Variants in HJV observed in about 807,000 individuals in gnomAD.
HJV encodes hemojuvelin BMP co-receptor, also known as hemojuvelin.
Under a neutral mutation model 22.7 loss-of-function variants are expected in HJV, and 18 were observed. That is an observed-to-expected ratio of 0.79 (90% CI 0.55 to 1.18). The LOEUF (loss-of-function observed/expected upper bound fraction) is 1.18, where lower values mean the gene tolerates loss of function less well. Among genes scored for constraint, HJV ranks in the 50% most tolerant of loss-of-function variants. The pLI is 0.00. For missense variants in HJV, 572 were observed against 553.0 expected (o/e 1.03, Z -0.34); for synonymous variants, 229 against 222.7 (o/e 1.03, Z -0.25).
rs1553769369 is a variant in HJV at position 146,018,136 on chromosome 1, C to T, written c.1222G>A (p.Ala408Thr). 6.8e-6 allele frequency: 11 copies of T among 1,614,130 alleles called. No individual in the cohort carries two copies. Among genetic ancestry groups the T allele is most frequent in the Non-Finnish European group, 9.3e-6 (11 of 1,180,016 alleles). Residue 408 changes from alanine (A) to threonine (T), a missense_variant, in exon 4 of 4, where the codon GCA (alanine) becomes ACA (threonine). By Grantham distance (58) the Ala-to-Thr change is moderately conservative. Transcript: ENST00000336751. ...PSDAGVPLSSATLLAPLLSGL... is the reference protein window; with the variant it reads ...PSDAGVPLSSTTLLAPLLSGL... ...GAAAGGAGTGGAGCTAAGAGGGTTG[C>T]TGAGGAAAGAGGAACCCCAGCATCT... is the stretch of plus-strand genomic sequence containing the variant.
chr1:146,018,137 T>C lies in HJV; in HGVS notation c.1221A>G (p.Ser407=). Residue 407 remains serine, a synonymous_variant, in exon 4 of 4, where the codon TCA becomes TCG. Coordinates refer to ENST00000336751, the MANE Select transcript of HJV (RefSeq NM_213653.4). ...FPSDAGVPLS[S]ATLLAPLLSG... is the part of the protein sequence containing the mutation. ...AAAGGAGTGGAGCTAAGAGGGTTGC[T>C]GAGGAAAGAGGAACCCCAGCATCTG... The C allele has an allele frequency of 3.1e-6, 5 of 1,614,114 alleles. 1 individual carries two copies. In the South Asian group the frequency reaches 5.5e-5, roughly 18 times the overall value.
In HJV at chr1:146,019,813, C is replaced by A. The variant is rs1383612113; in HGVS notation, c.98-79G>T. 4 of 1,610,592 alleles carry A rather than the reference C, an allele frequency of 2.5e-6. No homozygotes were observed. The Admixed American group carries it at 6.7e-5, about 27-fold the overall frequency. On this transcript the variant is annotated intron_variant, in intron 2 of 3. Coordinates refer to ENST00000336751, the MANE Select transcript of HJV (RefSeq NM_213653.4). ...GGAGTGTAGTTTGCTCATAACTCTT[C>A]CAAATCTCATCAGGGGTTTCCAGCC...
chr1:146,018,799 G>T, intron 3 of HJV, 99 bp from the exon 4 acceptor site: 1 of 1,256,870 alleles, frequency 8.0e-7, no homozygotes, highest in Non-Finnish European at 1.2e-6. Context: ...AAGTAGAGAT[G>T]CAGGACTACT....
At position 146,018,117 on chromosome 1, in the gene HJV, A is replaced by G; in HGVS notation, c.1241T>C (p.Leu414Pro). 1 of 1,614,146 alleles carries G rather than the reference A, an allele frequency of 6.2e-7. No homozygotes were observed. The highest frequency in any genetic ancestry group is 8.5e-7 in the Non-Finnish European group (1 of 1,180,026). Residue 414 changes from leucine (L) to proline (P), a missense_variant, in exon 4 of 4, where the codon CTC (leucine) becomes CCC (proline). Transcript: ENST00000336751. ...PLSSATLLAP[L>P]LSGLFVLWLC... ...CCACAGAACAAAGAGCCCAGAAAGG[A>G]GTGGAGCTAAGAGGGTTGCTGAGGA... is the stretch of plus-strand genomic sequence containing the variant.
At chr1:146,018,759 A>G in intron 3 of HJV, 59 bp from the exon 4 acceptor site, 2 of 1,557,900 alleles carry the variant, frequency 1.3e-6, no homozygotes. Context: ...CCCCCCAATC[A>G]GACCTCATAC....
rs1553769646 is a variant in HJV, at chr1:146,019,306, G to A, written c.526C>T (p.Arg176Cys). The A allele has an allele frequency of 2.5e-6, 4 of 1,613,882 alleles. No individual in the cohort carries two copies. The highest frequency in any genetic ancestry group is 3.4e-6 in the Non-Finnish European group (4 of 1,180,032). The stretch of plus-strand genomic sequence containing the variant: ...GTGTGAAAGTGATGGTGGAAGCTGC[G>A]CACATGGGGGTCCCCGAAGGAAGCG... The part of the protein sequence containing the change: ...HCASFGDPHV[R>C]SFHHHFHTCR... Residue 176 changes from arginine (R) to cysteine (C), a missense_variant, in exon 3 of 4, where the codon CGC (arginine) becomes TGC (cysteine). Arg to Cys is a radical substitution (Grantham distance 180). Transcript: ENST00000336751.
intron 3 of HJV, 31 bp downstream of exon 3, chr1:146,019,144 G>A (rs1470463464): frequency 1.9e-6 from 3 of 1,543,608 alleles, no homozygotes; most frequent in Non-Finnish European, 2.7e-6. Context: ...AATCTCATGA[G>A]GTGGATCGGA....
rs782803011 is a variant in HJV at position 146,018,205 on chromosome 1, G to A, written c.1153C>T (p.Arg385Ter). ...TTCTCTAAGTCTGGCAGGAAGGCTC[G>A]GGCATCCTCCAGTGCTGCCTGAGCT... ...VAAQAALEDA[R>*]AFLPDLEKLH... The change falls in exon 4 of 4, where the codon CGA (arginine) becomes TGA (stop). Residue 385 changes from arginine (R) to a stop codon, truncating the protein, a stop_gained. Transcript: ENST00000336751. LOFTEE classifies it high-confidence loss of function. 6.8e-6 allele frequency: 11 copies of A among 1,614,006 alleles called. No individual in the cohort carries two copies. The highest frequency in any genetic ancestry group is 5.0e-5 in the Admixed American group (3 of 59,986).
chr1:146,018,537 A>T lies in HJV; in HGVS notation c.821T>A (p.Val274Glu). Reference sequence around the variant, plus strand: ...GCCAATGTAGGCAGCTTGGATCTCCACATGGTTCCCAGGGTTAGCAGTTTG... The same window carrying T: ...GCCAATGTAGGCAGCTTGGATCTCCTCATGGTTCCCAGGGTTAGCAGTTTG... ...SIQTANPGNH[V>E]EIQAAYIGTT... The change falls in exon 4 of 4, where the codon GTG becomes GAG. Residue 274 changes from valine (V) to glutamate (E), a missense_variant. Transcript: ENST00000336751. The T allele has an allele frequency of 6.2e-7, 1 of 1,614,192 alleles. No individual in the cohort carries two copies. Among genetic ancestry groups the T allele is most frequent in the Non-Finnish European group, 8.5e-7 (1 of 1,180,032 alleles).
chr1:146,018,701 C>T lies in HJV; in HGVS notation c.658-1G>A. 6.2e-7 allele frequency: 1 copy of T among 1,614,088 alleles called. No individual in the cohort carries two copies. ...GCATGTTCTTAAATATGATGGTGAG[C>T]TGTGAGGACAAGAGGGAAAACAGTT... On this transcript the variant is annotated splice_acceptor_variant, in intron 3 of 3. Coordinates refer to ENST00000336751, the MANE Select transcript of HJV (RefSeq NM_213653.4). LOFTEE classifies it high-confidence loss of function.
rs782378832 is a variant in HJV at position 146,019,408 on chromosome 1, G to C, written c.424C>G (p.Leu142Val). 5 of 1,612,862 alleles carry C rather than the reference G, an allele frequency of 3.1e-6. No individual in the cohort carries two copies. The African/African-American group carries it at 6.7e-5, about 22-fold the overall frequency. ...GPALPGAGSG[L>V]PAPDPCDYEG... is the part of the protein sequence containing the mutation. Reference sequence around the variant, plus strand: ...TAGTCACAAGGGTCCGGGGCAGGGAGGCCGGAGCCCGCGCCTGGAAGGGCG... The same window carrying C: ...TAGTCACAAGGGTCCGGGGCAGGGACGCCGGAGCCCGCGCCTGGAAGGGCG... Residue 142 changes from leucine (L) to valine (V), a missense_variant, in exon 3 of 4, where the codon CTC becomes GTC. Transcript: ENST00000336751.
In HJV at chr1:146,018,408, C is replaced by G. The variant is rs1553769457; in HGVS notation, c.950G>C (p.Cys317Ser). The change falls in exon 4 of 4, where the codon TGT becomes TCT. Residue 317 changes from cysteine to serine, a missense_variant. Physicochemically the swap from Cys to Ser is moderately radical, Grantham distance 112 (BLOSUM62 -1). Coordinates refer to ENST00000336751, the MANE Select transcript of HJV (RefSeq NM_213653.4). ...CTGACTTGGAGGGCACCCCCCAACA[C>G]AGAGCTGCAGGTCCTGTTCAGCTGA... ...AFSAEQDLQL[C>S]VGGCPPSQRL... is the part of the protein sequence containing the mutation. The G allele has an allele frequency of 2.5e-6, 4 of 1,614,054 alleles. No individual in the cohort carries two copies. The highest frequency in any genetic ancestry group is 3.3e-5 in the Admixed American group (2 of 60,006).
In HJV at chr1:146,018,653, C is replaced by T. The variant is rs781815793; in HGVS notation, c.705G>A (p.Val235=). Residue 235 remains valine, a synonymous_variant, in exon 4 of 4, where the codon GTG becomes GTA. Coordinates refer to ENST00000336751, the MANE Select transcript of HJV (RefSeq NM_213653.4). ...GAAGATTATCCACCTCAGCCTGATA[C>T]ACCTTCTGATCAATGCATTCCTGCA... ...KNMQECIDQK[V]YQAEVDNLPV... is the part of the protein sequence containing the mutation. The T allele has an allele frequency of 6.2e-6, 10 of 1,614,126 alleles. No individual in the cohort carries two copies. The Admixed American group carries it at 1.0e-4, about 16-fold the overall frequency.
At position 146,018,336 on chromosome 1, in the gene HJV, T is replaced by A. The variant is rs1652462514; in HGVS notation, c.1022A>T (p.Asp341Val). ...TTCCTTGCACAGCCGTCTGGCAGTA[T>A]CAATGGTTATAGCTCCCCGACGATT... ...ERNRRGAITI[D>V]TARRLCKEGL... The change falls in exon 4 of 4, where the codon GAT becomes GTT. Residue 341 changes from aspartate (D) to valine (V), a missense_variant. Physicochemically the swap from Asp to Val is radical, Grantham distance 152. Transcript: ENST00000336751. 6.2e-7 allele frequency: 1 copy of A among 1,614,076 alleles called. No homozygotes were observed. The highest frequency in any genetic ancestry group is 1.7e-5 in the Admixed American group (1 of 60,006).
rs781977192 is a variant in HJV at position 146,019,507 on chromosome 1, C to T, written c.325G>A (p.Gly109Ser). Residue 109 changes from glycine (G) to serine (S), a missense_variant, in exon 3 of 4, where the codon GGC (glycine) becomes AGC (serine). Transcript: ENST00000336751. ...GDLAFHSAVH[G>S]IEDLMIQHNC... ...TGCTGGATCATCAGGTCTTCGATGC[C>T]ATGTACCGCCGAATGGAAGGCGAGG... 7 of 1,612,938 alleles carry T rather than the reference C, an allele frequency of 4.3e-6. No individual in the cohort carries two copies. The highest frequency in any genetic ancestry group is 1.1e-5 in the South Asian group (1 of 91,084).
rs782429427 is a variant in HJV, at chr1:146,018,101, A to C, written c.1257T>G (p.Phe419Leu). The C allele has an allele frequency of 1.4e-5, 23 of 1,614,002 alleles. No individual in the cohort carries two copies. In the East Asian group the frequency reaches 4.5e-4, roughly 31 times the overall value. ...TLLAPLLSGLFVLWLCIQ is the reference protein window; with the variant it reads ...TLLAPLLSGLLVLWLCIQ Reference sequence around the variant, plus strand: ...CTTACTGAATGCAAAGCCACAGAACAAAGAGCCCAGAAAGGAGTGGAGCTA... The same window carrying C: ...CTTACTGAATGCAAAGCCACAGAACCAAGAGCCCAGAAAGGAGTGGAGCTA... The change falls in exon 4 of 4, where the codon TTT becomes TTG. Residue 419 changes from phenylalanine to leucine, a missense_variant. Coordinates refer to ENST00000336751, the MANE Select transcript of HJV (RefSeq NM_213653.4).
rs1433104741 is a variant in HJV, at chr1:146,018,591, TCA to T, written c.765_766del (p.Asp256ProfsTer13). ...CGACAAACTGGATCCCCCAGGTCGG[TCA>T]CCTCCATTGATAGAACCATCTTCAA... is the stretch of plus-strand genomic sequence containing the variant. On this transcript the variant is annotated frameshift_variant, in exon 4 of 4. Transcript: ENST00000336751. LOFTEE classifies it high-confidence loss of function. 5 of 1,614,184 alleles carry T rather than the reference TCA, an allele frequency of 3.1e-6. No homozygotes were observed. The highest frequency in any genetic ancestry group is 3.4e-6 in the Non-Finnish European group (4 of 1,180,022).
In HJV at chr1:146,019,350, G is replaced by A. The variant is rs1652555024; in HGVS notation, c.482C>T (p.Pro161Leu). 6.2e-7 allele frequency: 1 copy of A among 1,613,844 alleles called. No individual in the cohort carries two copies. Among genetic ancestry groups the A allele is most frequent in the Middle Eastern group, 1.6e-4 (1 of 6,062 alleles). The change falls in exon 3 of 4, where the codon CCC becomes CTC. Residue 161 changes from proline (P) to leucine (L), a missense_variant. By Grantham distance (98) the Pro-to-Leu change is moderately conservative. Transcript: ENST00000336751. Reference protein sequence around the residue: ...EGRFSRLHGRPPGFLHCASFG... With the variant: ...EGRFSRLHGRLPGFLHCASFG... ...GGAAGCGCAATGCAAGAACCCCGGG[G>A]GACGACCATGCAGCCGGGAAAACCG...
chr1:146,019,043 T>C (rs1652530424), intron 3 of HJV, 132 bp downstream of exon 3: 1 of 861,198 alleles, frequency 1.2e-6, no homozygotes. Flanking sequence ...AAGGGAGTGA[T>C]TCGAGATGGG....
Sources: allele counts gnomAD v4.1 joint callset, GRCh38; gene constraint gnomAD v4.1.1; transcripts MANE v1.5; gene names NCBI Gene and HGNC (gene_info 2026-07-23, HGNC 2026-07-21).